ASTN2: variants seen among roughly 807,000 people sequenced by gnomAD.
ASTN2 encodes the protein astrotactin 2.
ASTN2 carries 54 observed loss-of-function variants against 139.8 expected under a neutral mutation model. The observed-to-expected ratio is 0.39, with a 90% confidence interval of 0.31 to 0.48. The LOEUF (loss-of-function observed/expected upper bound fraction) is 0.48. ASTN2 is among the 20% of genes least tolerant of loss of function. The pLI is 0.95. For synonymous variants in ASTN2, 756 were observed against 719.5 expected (o/e 1.05, Z -0.81); for missense variants, 1,565 against 1,725.1 (o/e 0.91, Z 1.64).
At chr9:117,033,237 C>T (rs1838297584) in intron 6 of ASTN2, among the ~76,000 whole-genome samples, 2 of 152,100 alleles carry the variant, frequency 1.3e-5, no homozygotes, top group African/African-American at 2.4e-5. Flanking sequence ...CTTCTCTTCC[C>T]CTCTCTTCTA....
At chr9:117,321,703 C>T (rs1828330246) in intron 1 of ASTN2, among the ~76,000 whole-genome samples, 1 of 152,140 alleles carries the variant, frequency 6.6e-6, no homozygotes, top group Admixed American at 6.5e-5. Context: ...CTCTGCCAGG[C>T]CAGGTTCTGA....
Position 116,903,287 on chromosome 9 carries a change from T to C in ASTN2, c.1890-39554A>G, listed in dbSNP as rs544969111. ...TACTGTATAATTTACCTGTTTATCA[T>C]GCTATTTTTTGTCTTCTCCCCCTAG... On this transcript the variant is annotated intron_variant, in intron 10 of 22. Transcript: ENST00000313400. Among the ~76,000 whole-genome samples, 3 of 152,332 alleles carry C rather than the reference T, an allele frequency of 2.0e-5. No homozygotes were observed. The South Asian group carries it at 6.2e-4, about 32-fold the overall frequency.
At chr9:116,472,635 A>G (rs1238132923) in intron 20 of ASTN2, among the ~76,000 whole-genome samples, 1 of 152,040 alleles carries the variant, frequency 6.6e-6, no homozygotes, top group Admixed American at 6.5e-5. Context: ...CAGGCGTGGT[A>G]GCTCATACCT....
chr9:116,592,930 C>T (rs918413504), intron 19 of ASTN2, among the ~76,000 whole-genome samples: 2 of 152,198 alleles, frequency 1.3e-5, no homozygotes, highest in Non-Finnish European at 2.9e-5. Flanking sequence ...TGAAGTCTAA[C>T]AATGAGCTGT....
At chr9:116,542,663 C>T (rs1299440530) in intron 19 of ASTN2, among the ~76,000 whole-genome samples, 3 of 152,244 alleles carry the variant, frequency 2.0e-5, no homozygotes, top group African/African-American at 7.2e-5. Flanking sequence ...TGGCTCATAC[C>T]TGTAATCCCA....
intron 20 of ASTN2, among the ~76,000 whole-genome samples, chr9:116,448,732 T>A (rs1048593153): frequency 6.6e-6 from 1 of 152,196 alleles, no homozygotes; most frequent in Non-Finnish European, 1.5e-5. Flanking sequence ...ATTGTGAGAA[T>A]GAAATCAGAA....
intron 2 of ASTN2, among the ~76,000 whole-genome samples, chr9:117,240,769 TG>T: frequency 6.6e-6 from 1 of 152,306 alleles, no homozygotes; most frequent in East Asian, 1.9e-4. Flanking sequence ...ATTTTGTAGA[TG>T]GAGTCTAAAG....
chr9:117,384,850 G>T (rs2130934290), intron 1 of ASTN2, among the ~76,000 whole-genome samples: 1 of 152,340 alleles, frequency 6.6e-6, no homozygotes, highest in South Asian at 2.1e-4. Flanking sequence ...GGATGAAGGG[G>T]TGGAAGGGAG....
chr9:116,436,923 A>G (rs1357811980), intron 22 of ASTN2, among the ~76,000 whole-genome samples: 1 of 151,954 alleles, frequency 6.6e-6, no homozygotes, highest in Non-Finnish European at 1.5e-5. Flanking sequence ...CATGGATGAA[A>G]TTGGAAATCA....
intron 2 of ASTN2, among the ~76,000 whole-genome samples, chr9:117,254,492 G>A (rs1419377983): frequency 6.6e-6 from 1 of 152,122 alleles, no homozygotes; most frequent in Non-Finnish European, 1.5e-5. Flanking sequence ...GAGACCCAGG[G>A]TTAGACAATG....
chr9:117,191,021 T>C (rs1228753862), intron 3 of ASTN2, among the ~76,000 whole-genome samples: 1 of 151,986 alleles, frequency 6.6e-6, no homozygotes, highest in Non-Finnish European at 1.5e-5. Flanking sequence ...GAATGAAAAA[T>C]AGATGAATAA....
intron 19 of ASTN2, among the ~76,000 whole-genome samples, chr9:116,597,565 T>C (rs957291871): frequency 3.3e-5 from 5 of 152,024 alleles, no homozygotes; most frequent in Non-Finnish European, 7.4e-5. Context: ...GCTGGGATTA[T>C]AGGCGTGAAC....
At chr9:117,390,845 G>A (rs1564180569) in intron 1 of ASTN2, among the ~76,000 whole-genome samples, 1 of 152,100 alleles carries the variant, frequency 6.6e-6, no homozygotes, top group Admixed American at 6.5e-5. Context: ...ACTCATTTGG[G>A]TATATACCCA....
intron 19 of ASTN2, among the ~76,000 whole-genome samples, chr9:116,573,015 A>G (rs932077039): frequency 2.4e-4 from 33 of 136,308 alleles, no homozygotes; most frequent in African/African-American, 8.6e-4. Context: ...GGGTACATGC[A>G]CACACACACA....
At chr9:116,646,278 T>G (rs1857585416) in intron 17 of ASTN2, among the ~76,000 whole-genome samples, 1 of 152,176 alleles carries the variant, frequency 6.6e-6, no homozygotes, top group Admixed American at 6.5e-5. Context: ...CTTTGTTTTT[T>G]GAAGTAGGAA....
chr9:117,094,796 A>T (rs1271735937), intron 5 of ASTN2, among the ~76,000 whole-genome samples: 2 of 152,216 alleles, frequency 1.3e-5, no homozygotes, highest in Non-Finnish European at 2.9e-5. Context: ...TGCTTTTAGC[A>T]TACACCAGAC....
rs540794150 is a variant in ASTN2, at chr9:117,235,904, T to G, written c.631-21162A>C. Among the ~76,000 whole-genome samples the G allele has an allele frequency of 5.3e-5, 8 of 152,320 alleles. No homozygotes were observed. The South Asian group carries it at 1.7e-3, about 32-fold the overall frequency. The stretch of plus-strand genomic sequence containing the variant: ...TGTGAAACAGGGAGAAAACATATTT[T>G]CATACCAATTGTGCAGATGAGGAAA... On this transcript the variant is annotated intron_variant, in intron 2 of 22. Transcript: ENST00000313400.
chr9:117,303,469 T>C (rs1371727399), intron 1 of ASTN2, among the ~76,000 whole-genome samples: 1 of 152,036 alleles, frequency 6.6e-6, no homozygotes, highest in Non-Finnish European at 1.5e-5. Flanking sequence ...ACCCTCTCCT[T>C]CACCCCTGCT....
chr9:117,216,601 T>C (rs1310703157), intron 2 of ASTN2, among the ~76,000 whole-genome samples: 1 of 152,240 alleles, frequency 6.6e-6, no homozygotes, highest in African/African-American at 2.4e-5. Context: ...GAGGTGATTA[T>C]GTATATATCA....
Sources: gnomAD v4.1 joint callset for allele counts (sites outside exome capture counted in the v4.1 genomes callset) on GRCh38, gnomAD v4.1.1 for gene constraint, MANE v1.5 for transcripts, NCBI Gene and HGNC (gene_info 2026-07-23, HGNC 2026-07-21) for gene names.